The following CPLANE1 variants were observed in gnomAD, a reference collection of about 807,000 sequenced individuals.
The protein encoded by CPLANE1 is ciliogenesis and planar polarity effector complex subunit 1.
Under a neutral mutation model 362.5 loss-of-function variants are expected in CPLANE1, and 263 were observed. The ratio of observed to expected loss-of-function variants is 0.73; its 90% CI spans 0.66 to 0.80. CPLANE1 has a LOEUF of 0.80. CPLANE1 is among the 30% of genes least tolerant of loss of function. CPLANE1 has a pLI of 0.00. For missense variants in CPLANE1, 3,461 were observed against 3,793.4 expected (o/e 0.91, Z 2.30); for synonymous variants, 1,212 against 1,302.6 (o/e 0.93, Z 1.50).
rs548765258 is a variant in CPLANE1, at chr5:37,166,967, C to G, written c.7400+80G>C. Reference sequence around the variant, plus strand: ...ATTGTGTATAGCCTAGGAGACTGAACCAGATTACTGTGTGATTATAAATAA... The same window carrying G: ...ATTGTGTATAGCCTAGGAGACTGAAGCAGATTACTGTGTGATTATAAATAA... On this transcript the variant is annotated intron_variant, in intron 35 of 52. Coordinates refer to ENST00000651892, the MANE Select transcript of CPLANE1 (RefSeq NM_001384732.1). The G allele has an allele frequency of 4.3e-6, 5 of 1,171,042 alleles. No homozygotes were observed. The African/African-American group carries it at 7.7e-5, about 18-fold the overall frequency. The allele number at this position is 1,171,042 out of a possible 1,614,324, so 72.5% of individuals were successfully genotyped here.
At chr5:37,109,734 G>A (rs902604642) in intron 51 of CPLANE1, among the ~76,000 whole-genome samples, 12 of 152,180 alleles carry the variant, frequency 7.9e-5, no homozygotes, top group African/African-American at 2.7e-4. Flanking sequence ...TCGGTTCGCT[G>A]CAACCTCTGC....
At chr5:37,204,492 A>G (rs979604723) in intron 18 of CPLANE1, among the ~76,000 whole-genome samples, 7 of 152,192 alleles carry the variant, frequency 4.6e-5, no homozygotes, top group East Asian at 3.9e-4. Context: ...ATTTTTTAAT[A>G]CCATTTTGAA....
intron 9 of CPLANE1, 69 bp downstream of exon 9, chr5:37,230,798 T>A (rs1225729085): frequency 9.0e-6 from 10 of 1,114,218 alleles, no homozygotes; most frequent in Non-Finnish European, 1.2e-5. Flanking sequence ...TTTTTTTGAA[T>A]ACACAGTAAA....
downstream of CPLANE1, among the ~76,000 whole-genome samples, chr5:37,105,506 T>C (rs1042022946): frequency 1.2e-4 from 18 of 152,132 alleles, no homozygotes; most frequent in African/African-American, 4.3e-4. Flanking sequence ...ATAAATCACA[T>C]ATAAAAACCA....
intron 51 of CPLANE1, among the ~76,000 whole-genome samples, chr5:37,109,333 C>T (rs1224267493): frequency 1.3e-5 from 2 of 152,210 alleles, no homozygotes; most frequent in Non-Finnish European, 2.9e-5. Flanking sequence ...TCACAGCACA[C>T]ACTTTGGCAT....
At chr5:37,083,661 T>C in the CPLANE1 span, among the ~76,000 whole-genome samples, 1 of 152,100 alleles carries the variant, frequency 6.6e-6, no homozygotes, top group African/African-American at 2.4e-5. Flanking sequence ...TAAAATCGAA[T>C]AAGTAGAAGA....
At chr5:37,194,830 A>C (rs1226606134) in intron 21 of CPLANE1, among the ~76,000 whole-genome samples, 1 of 151,828 alleles carries the variant, frequency 6.6e-6, no homozygotes, top group Non-Finnish European at 1.5e-5. Flanking sequence ...CCAGCTCTAA[A>C]ATAAACATTT....
At chr5:37,172,532 T>C (rs1180958367) in intron 32 of CPLANE1, among the ~76,000 whole-genome samples, 1 of 152,198 alleles carries the variant, frequency 6.6e-6, no homozygotes, top group African/African-American at 2.4e-5. Context: ...GTTTGAGAGA[T>C]GTCTCTAAAA....
At chr5:37,181,680 T>C (rs563879553) in intron 26 of CPLANE1, among the ~76,000 whole-genome samples, 2 of 152,152 alleles carry the variant, frequency 1.3e-5, no homozygotes, top group African/African-American at 4.8e-5. Context: ...TCAGGCATAG[T>C]GGCATGAGCC....
rs1187847396 is a variant in CPLANE1, at chr5:37,183,056, G to A, written c.5125C>T (p.Pro1709Ser). 2.5e-6 allele frequency: 4 copies of A among 1,613,282 alleles called. No homozygotes were observed. Among genetic ancestry groups the A allele is most frequent in the Non-Finnish European group, 3.4e-6 (4 of 1,179,856 alleles). ...CATCTTCTAGTTTTAATGGACTTGG[G>A]AGTCCAAAAAATGTGGTTTGATGAT... ...QRSSNHIFWT[P>S]KSIKTRRCIF... The change falls in exon 26 of 53, where the codon CCC becomes TCC. Residue 1709 changes from proline to serine, a missense_variant. By Grantham distance (74) the Pro-to-Ser change is moderately conservative. Around this residue, in one of 2 missense-constraint regions of CPLANE1, gnomAD observed 3,380 missense variants for 3,666.1 expected, o/e 0.92. Transcript: ENST00000651892.
the CPLANE1 span, among the ~76,000 whole-genome samples, chr5:37,079,604 T>C: frequency 6.6e-6 from 1 of 152,332 alleles, no homozygotes; most frequent in Non-Finnish European, 1.5e-5. Context: ...TAAAAGTCTT[T>C]TTTCCTCTAA....
At chr5:37,244,688 C>T in intron 4 of CPLANE1, 81 bp from the exon 5 acceptor site, 2 of 778,478 alleles carry the variant, frequency 2.6e-6, no homozygotes, top group Non-Finnish European at 4.0e-6. Context: ...TGTATTCTTA[C>T]AATAAAAAAA....
chr5:37,101,126 C>A, the CPLANE1 span, among the ~76,000 whole-genome samples: 2 of 152,170 alleles, frequency 1.3e-5, no homozygotes, highest in Non-Finnish European at 2.9e-5. Context: ...ATTTCCCTGG[C>A]CAGAATTTCC....
intron 42 of CPLANE1, among the ~76,000 whole-genome samples, chr5:37,149,026 G>A (rs57949380): frequency 0.034 from 5,217 of 152,220 alleles, 319 homozygotes; most frequent in African/African-American, 0.12. Flanking sequence ...ACTCCAGCCT[G>A]GATGACACAG....
In CPLANE1 at chr5:37,169,348, G is replaced by A. The variant is rs1779114720; in HGVS notation, c.6676C>T (p.Pro2226Ser). 1.2e-6 allele frequency: 2 copies of A among 1,614,148 alleles called. No homozygotes were observed. Among genetic ancestry groups the A allele is most frequent in the South Asian group, 1.1e-5 (1 of 91,082 alleles). ...TGTTTAGACTTAAATTGAAGCAAAG[G>A]AAAGCCATCACCAGGACTAAATGTT... ...AKTFSPGDGF[P>S]LLQFKSKQEF... Residue 2226 changes from proline (P) to serine (S), a missense_variant, in exon 34 of 53, where the codon CCT becomes TCT. This residue lies in a region of CPLANE1 where 3,380 missense variants were observed against 3,666.1 expected (regional missense o/e 0.92). Coordinates refer to ENST00000651892, the MANE Select transcript of CPLANE1 (RefSeq NM_001384732.1).
At chr5:37,185,360 G>C (rs749672721) in intron 24 of CPLANE1, among the ~76,000 whole-genome samples, 28 of 151,954 alleles carry the variant, frequency 1.8e-4, no homozygotes, top group Admixed American at 3.9e-4. Flanking sequence ...AACTTTAAGT[G>C]ATTTAACTGT....
chr5:37,088,294 C>T, the CPLANE1 span, among the ~76,000 whole-genome samples: 1 of 152,184 alleles, frequency 6.6e-6, no homozygotes, highest in Non-Finnish European at 1.5e-5. Context: ...GCAATGCAGG[C>T]AATCAAAGGA....
chr5:37,103,403 T>C (rs1757390983), downstream of CPLANE1, among the ~76,000 whole-genome samples: 1 of 152,206 alleles, frequency 6.6e-6, no homozygotes, highest in Non-Finnish European at 1.5e-5. Context: ...TCTGATCCTG[T>C]CATCATGATG....
chr5:37,105,436 T>C (rs577473763), downstream of CPLANE1, among the ~76,000 whole-genome samples: 26 of 152,348 alleles, frequency 1.7e-4, no homozygotes, highest in South Asian at 6.2e-4. Context: ...TACTCTCCTG[T>C]TCAATAAATG....
Sources: gnomAD v4.1 joint callset for allele counts (sites outside exome capture counted in the v4.1 genomes callset) on GRCh38, gnomAD v4.1.1 for gene constraint, gnomAD v4.1.1 regional missense constraint, MANE v1.5 for transcripts, NCBI Gene and HGNC (gene_info 2026-07-23, HGNC 2026-07-21) for gene names.